The following HECW2 variants were observed in gnomAD, a reference collection of about 807,000 sequenced individuals.
HECW2 encodes E3 ubiquitin-protein ligase HECW2.
Under a neutral mutation model 175.2 loss-of-function variants are expected in HECW2, and 61 were observed. The ratio of observed to expected loss-of-function variants is 0.35; its 90% CI spans 0.28 to 0.43. HECW2 has a LOEUF of 0.43. HECW2 is among the 20% of genes least tolerant of loss of function. The pLI is 1.00. For synonymous variants in HECW2, 671 were observed against 731.0 expected, an observed-to-expected ratio of 0.92 and a Z score of 1.32; for missense variants, 1,524 against 2,000.5, an observed-to-expected ratio of 0.76 and a Z score of 4.54.
intron 1 of HECW2, among the ~76,000 whole-genome samples, chr2:196,553,403 A>G (rs545492978): frequency 6.6e-6 from 1 of 152,336 alleles, no homozygotes; most frequent in African/African-American, 2.4e-5. Flanking sequence ...ATATACATGG[A>G]GCACCAGATA....
At chr2:196,400,158 A>G (rs532847607) in intron 2 of HECW2, among the ~76,000 whole-genome samples, 1 of 152,340 alleles carries the variant, frequency 6.6e-6, no homozygotes, top group African/African-American at 2.4e-5. Context: ...AATTTTCAAT[A>G]ATTTTTCTAA....
intron 22 of HECW2, 71 bp downstream of exon 22, chr2:196,228,031 T>C (rs1263617864): frequency 1.2e-5 from 16 of 1,354,822 alleles, no homozygotes; most frequent in Non-Finnish European, 1.6e-5. Context: ...AATGTTTAAA[T>C]GTGGGTTCTA....
At chr2:196,216,972 T>C in intron 27 of HECW2, 36 bp downstream of exon 27, 2 of 1,316,754 alleles carry the variant, frequency 1.5e-6, no homozygotes, top group Non-Finnish European at 1.0e-6. Flanking sequence ...AATAATCATA[T>C]TGATACATTT....
chr2:196,397,963 C>T (rs963351465), intron 2 of HECW2, among the ~76,000 whole-genome samples: 1 of 152,188 alleles, frequency 6.6e-6, no homozygotes, highest in Admixed American at 6.5e-5. Context: ...AAAGTTCTAA[C>T]AGCCCTGCAG....
At chr2:196,448,752 A>AC (rs1696260908) in intron 1 of HECW2, among the ~76,000 whole-genome samples, 1 of 152,186 alleles carries the variant, frequency 6.6e-6, no homozygotes, top group East Asian at 1.9e-4. Context: ...CTTGTTGAGA[A>AC]GTAGCAATTT....
chr2:196,203,703 T>G (rs552221876), intron 28 of HECW2, among the ~76,000 whole-genome samples: 2 of 152,230 alleles, frequency 1.3e-5, no homozygotes, highest in African/African-American at 2.4e-5. Flanking sequence ...ATTTTTATTG[T>G]GATAAAATAT....
intron 26 of HECW2, chr2:196,217,855 C>T (rs1461890674): frequency 1.3e-5 from 2 of 152,194 alleles, no homozygotes; most frequent in African/African-American, 2.4e-5. Context: ...GTGATTCAAA[C>T]CAATGAATAG....
intron 1 of HECW2, among the ~76,000 whole-genome samples, chr2:196,526,528 T>A (rs1256575856): frequency 6.6e-6 from 1 of 152,066 alleles, no homozygotes; most frequent in South Asian, 2.1e-4. Flanking sequence ...TGAGGAATTG[T>A]GTTCCTTTGG....
intron 2 of HECW2, among the ~76,000 whole-genome samples, chr2:196,381,343 A>C (rs1694201513): frequency 6.6e-6 from 1 of 152,168 alleles, no homozygotes; most frequent in Admixed American, 6.5e-5. Flanking sequence ...AGTAGCTTCT[A>C]TGAAGGTTTT....
At chr2:196,540,419 T>C (rs992429804) in intron 1 of HECW2, among the ~76,000 whole-genome samples, 1 of 152,054 alleles carries the variant, frequency 6.6e-6, no homozygotes, top group Non-Finnish European at 1.5e-5. Flanking sequence ...TTAAGGAATA[T>C]AATTTATTTT....
In HECW2 at chr2:196,199,471, C is replaced by A. The variant is rs1208158499; in HGVS notation, c.*1806G>T. On this transcript the variant is annotated 3_prime_UTR_variant, in exon 29 of 29. Coordinates refer to ENST00000644978, the MANE Select transcript of HECW2 (RefSeq NM_001348768.2). ...TAAGTGGTATTCCTCTTGAGGGTCC[C>A]AGTAGTAAACATAGCTTAACTCACA... The A allele has an allele frequency of 1.3e-5, 2 of 152,532 alleles. No homozygotes were observed. The highest frequency in any genetic ancestry group is 2.9e-5 in the Non-Finnish European group (2 of 68,016). 9.4% of individuals were successfully genotyped at this position (152,532 alleles called of 1,614,324 possible).
intron 1 of HECW2, among the ~76,000 whole-genome samples, 159 bp downstream of exon 1, chr2:196,593,349 G>A (rs1338295778): frequency 2.7e-5 from 4 of 150,698 alleles, no homozygotes; most frequent in Non-Finnish European, 4.4e-5. Flanking sequence ...CGGCCCCGCA[G>A]CGCCCGGCTC....
At chr2:196,559,074 A>G (rs1007849426) in intron 1 of HECW2, among the ~76,000 whole-genome samples, 2 of 152,240 alleles carry the variant, frequency 1.3e-5, no homozygotes, top group Non-Finnish European at 2.9e-5. Flanking sequence ...CAGAGACTAA[A>G]TAACTGCTAC....
At chr2:196,242,411 G>T in intron 19 of HECW2, 1 of 577,778 alleles carries the variant, frequency 1.7e-6, no homozygotes, top group Non-Finnish European at 3.0e-6. Flanking sequence ...TTTTGGTTGA[G>T]AATAAAAATT....
intron 1 of HECW2, among the ~76,000 whole-genome samples, chr2:196,501,918 A>C (rs1687590310): frequency 6.6e-6 from 1 of 152,166 alleles, no homozygotes; most frequent in African/African-American, 2.4e-5. Context: ...ATTTATTCCC[A>C]AAAAGGAAAA....
At chr2:196,372,226 T>C (rs1404786201) in intron 2 of HECW2, among the ~76,000 whole-genome samples, 1 of 152,218 alleles carries the variant, frequency 6.6e-6, no homozygotes, top group Non-Finnish European at 1.5e-5. Context: ...GCAATAACAG[T>C]AATAAGAAGC....
intron 1 of HECW2, among the ~76,000 whole-genome samples, chr2:196,472,962 T>C (rs1697274880): frequency 6.6e-6 from 1 of 152,216 alleles, no homozygotes; most frequent in African/African-American, 2.4e-5. Flanking sequence ...AACATGCACA[T>C]TTGTCATATT....
chr2:196,569,782 A>G (rs763903386), intron 1 of HECW2, among the ~76,000 whole-genome samples: 2 of 152,246 alleles, frequency 1.3e-5, no homozygotes, highest in Non-Finnish European at 2.9e-5. Context: ...CTTCTTTAGG[A>G]CTCAGTTTCT....
intron 3 of HECW2, among the ~76,000 whole-genome samples, chr2:196,340,143 A>T (rs1220160260): frequency 6.6e-6 from 1 of 152,198 alleles, no homozygotes; most frequent in Non-Finnish European, 1.5e-5. Flanking sequence ...AACATTTTTA[A>T]ATACTTTGCA....
Sources: allele counts gnomAD v4.1 joint callset (sites outside exome capture counted in the v4.1 genomes callset), GRCh38; gene constraint gnomAD v4.1.1; transcripts MANE v1.5; gene names NCBI Gene and HGNC (gene_info 2026-07-23, HGNC 2026-07-21).